GRID2: variants seen among roughly 807,000 people sequenced by gnomAD.
The protein encoded by GRID2 is glutamate receptor ionotropic, delta-2.
GRID2 carries 33 observed loss-of-function variants against 114.8 expected under a neutral mutation model. The observed-to-expected ratio is 0.29, with a 90% CI of 0.22 to 0.38. The LOEUF is 0.38. Ranked by LOEUF, GRID2 falls within the 10% of genes least tolerant of loss-of-function variation. GRID2 has a pLI of 1.00. For missense variants in GRID2, 1,184 were observed against 1,257.7 expected, an observed-to-expected ratio of 0.94 and a Z score of 0.89; for synonymous variants, 505 against 449.9, an observed-to-expected ratio of 1.12 and a Z score of -1.55.
intron 1 of GRID2, among the ~76,000 whole-genome samples, chr4:92,520,542 C>T: frequency 6.6e-6 from 1 of 151,894 alleles, no homozygotes; most frequent in East Asian, 1.9e-4. Flanking sequence ...GTGGAGTGAC[C>T]TAAGCCCTGC....
intron 8 of GRID2, among the ~76,000 whole-genome samples, chr4:93,343,403 A>G (rs1050541739): frequency 3.3e-5 from 5 of 152,028 alleles, no homozygotes; most frequent in Non-Finnish European, 7.4e-5. Flanking sequence ...CTCCCAGATG[A>G]AAGATAACCT....
chr4:92,860,523 A>T (rs1744459925), intron 2 of GRID2, among the ~76,000 whole-genome samples: 1 of 152,140 alleles, frequency 6.6e-6, no homozygotes, highest in Admixed American at 6.5e-5. Flanking sequence ...CTATAAAGAG[A>T]GTAAGAGTAT....
chr4:93,128,495 A>T (rs1734505891), intron 4 of GRID2, among the ~76,000 whole-genome samples: 1 of 152,240 alleles, frequency 6.6e-6, no homozygotes, highest in African/African-American at 2.4e-5. Context: ...ATCACTCAAT[A>T]TGCTGAATGT....
chr4:92,943,102 T>A (rs1290729990), intron 2 of GRID2, among the ~76,000 whole-genome samples: 1 of 152,210 alleles, frequency 6.6e-6, no homozygotes, highest in Non-Finnish European at 1.5e-5. Flanking sequence ...ACTTCCTGAA[T>A]TTGAATGTTG....
intron 14 of GRID2, among the ~76,000 whole-genome samples, chr4:93,705,066 C>T (rs1345983649): frequency 2.0e-5 from 3 of 152,178 alleles, no homozygotes; most frequent in Admixed American, 6.5e-5. Context: ...TACATTCCCG[C>T]TAACAGTGTA....
At chr4:93,679,342 C>T (rs1258861008) in intron 14 of GRID2, among the ~76,000 whole-genome samples, 1 of 150,890 alleles carries the variant, frequency 6.6e-6, no homozygotes, top group Non-Finnish European at 1.5e-5. Context: ...GGCTTTAACA[C>T]CCCACTGTCA....
chr4:92,547,384 A>G (rs1397811113), intron 1 of GRID2, among the ~76,000 whole-genome samples: 1 of 152,182 alleles, frequency 6.6e-6, no homozygotes, highest in Non-Finnish European at 1.5e-5. Context: ...TATACTCAGT[A>G]CATTTTTGAA....
At chr4:92,799,871 T>G (rs1358326991) in intron 2 of GRID2, among the ~76,000 whole-genome samples, 1 of 151,994 alleles carries the variant, frequency 6.6e-6, no homozygotes. Flanking sequence ...CTCAGCATAA[T>G]TATAATTAAA....
chr4:93,178,072 GA>G (rs34280329), intron 4 of GRID2, among the ~76,000 whole-genome samples: 54 of 140,862 alleles, frequency 3.8e-4, no homozygotes, highest in Middle Eastern at 3.9e-3. Context: ...TACTCAACTT[GA>G]AAAAAAAAAA....
chr4:93,035,872 C>A (rs1195850710), intron 2 of GRID2, among the ~76,000 whole-genome samples: 2 of 152,180 alleles, frequency 1.3e-5, no homozygotes, highest in Non-Finnish European at 2.9e-5. Flanking sequence ...TAGTGTTTTA[C>A]TCCTTGGTAG....
At chr4:92,372,005 A>G (rs1729137911) in intron 1 of GRID2, among the ~76,000 whole-genome samples, 1 of 152,198 alleles carries the variant, frequency 6.6e-6, no homozygotes, top group Admixed American at 6.5e-5. Flanking sequence ...GGCACTCACT[A>G]CAAATGTGGT....
chr4:93,541,285 TG>T (rs1371473668), intron 13 of GRID2, among the ~76,000 whole-genome samples: 2 of 152,136 alleles, frequency 1.3e-5, no homozygotes, highest in African/African-American at 4.8e-5. Flanking sequence ...TCTTGAGAGC[TG>T]TAGAATTATA....
In GRID2 at chr4:93,422,751, T is replaced by C. The variant is rs1768416434; in HGVS notation, c.1348-20T>C. On this transcript the variant is annotated intron_variant, in intron 9 of 15. Transcript: ENST00000282020. ...GAGCACTATAGATTGACATCAGAAA[T>C]TTCTCTTATTTCCATGTAGGAAGAA... 3 of 1,531,838 alleles carry C rather than the reference T, an allele frequency of 2.0e-6. 1 individual carries two copies. The Middle Eastern group carries it at 5.1e-4, about 261-fold the overall frequency. 94.9% of individuals were successfully genotyped at this position (1,531,838 alleles called of 1,614,324 possible). A position where few individuals can be genotyped will look rare whatever the true frequency, so the allele number is the denominator to read the frequency against.
intron 2 of GRID2, among the ~76,000 whole-genome samples, chr4:92,772,220 G>T (rs1193150075): frequency 6.6e-6 from 1 of 152,072 alleles, no homozygotes; most frequent in South Asian, 2.1e-4. Context: ...CTTCTTTCTA[G>T]CCTTTACTAT....
intron 2 of GRID2, among the ~76,000 whole-genome samples, chr4:92,674,588 T>A (rs980135795): frequency 6.6e-6 from 1 of 152,148 alleles, no homozygotes; most frequent in Non-Finnish European, 1.5e-5. Context: ...AGTGGCACGA[T>A]CTCAGCTCAC....
intron 10 of GRID2, among the ~76,000 whole-genome samples, chr4:93,428,623 T>A (rs1413475911): frequency 4.6e-5 from 7 of 152,164 alleles, no homozygotes; most frequent in Non-Finnish European, 1.0e-4. Flanking sequence ...CTATTGTACT[T>A]GAATTACAAT....
chr4:92,947,214 A>T (rs776558560), intron 2 of GRID2, among the ~76,000 whole-genome samples: 1 of 152,054 alleles, frequency 6.6e-6, no homozygotes, highest in African/African-American at 2.4e-5. Flanking sequence ...TGCAAATACT[A>T]TAGATTCTAA....
intron 2 of GRID2, among the ~76,000 whole-genome samples, chr4:92,961,277 T>C (rs945905735): frequency 1.3e-5 from 2 of 151,854 alleles, no homozygotes; most frequent in Non-Finnish European, 2.9e-5. Context: ...GCTCTTTCTT[T>C]ATGTTGATAC....
intron 1 of GRID2, among the ~76,000 whole-genome samples, chr4:92,533,796 A>T (rs1429064990): frequency 6.6e-6 from 1 of 152,148 alleles, no homozygotes; most frequent in Non-Finnish European, 1.5e-5. Context: ...ACTTAACTGA[A>T]GTACTTTGTC....
Sources: allele counts gnomAD v4.1 joint callset (sites outside exome capture counted in the v4.1 genomes callset), GRCh38; gene constraint gnomAD v4.1.1; transcripts MANE v1.5; gene names NCBI Gene and HGNC (gene_info 2026-07-23, HGNC 2026-07-21).